Variants in PLD1 observed in about 807,000 individuals in gnomAD.
PLD1 encodes the protein choline phosphatase 1.
PLD1 carries 112 observed loss-of-function variants against 137.1 expected under a neutral mutation model. The ratio of observed to expected loss-of-function variants is 0.82; its 90% CI spans 0.70 to 0.96. The LOEUF (loss-of-function observed/expected upper bound fraction) is 0.96. PLD1 is among the 40% of genes least tolerant of loss of function. The pLI is 0.00. For synonymous variants in PLD1, 431 were observed against 454.7 expected (o/e 0.95, Z 0.66); for missense variants, 1,321 against 1,342.0 (o/e 0.98, Z 0.24).
At chr3:171,730,969 T>C (rs1324265096) in intron 6 of PLD1, among the ~76,000 whole-genome samples, 1 of 152,196 alleles carries the variant, frequency 6.6e-6, no homozygotes, top group African/African-American at 2.4e-5. Context: ...GGTCTAACTT[T>C]ACCAAGACAT....
chr3:171,719,846 C>T (rs2108228797), intron 8 of PLD1, among the ~76,000 whole-genome samples: 1 of 152,170 alleles, frequency 6.6e-6, no homozygotes, highest in African/African-American at 2.4e-5. Flanking sequence ...ATTATGAGAC[C>T]TAACTGAAAA....
chr3:171,671,066 G>A (rs1355480658), intron 19 of PLD1, among the ~76,000 whole-genome samples: 1 of 152,160 alleles, frequency 6.6e-6, no homozygotes, highest in Non-Finnish European at 1.5e-5. Flanking sequence ...TGACAAAACT[G>A]GGCTCAGGGA....
chr3:171,763,759 C>G (rs1039084855), intron 1 of PLD1, among the ~76,000 whole-genome samples: 2 of 149,946 alleles, frequency 1.3e-5, no homozygotes, highest in Non-Finnish European at 3.0e-5. Flanking sequence ...TAAGCCAATT[C>G]AAATCCTTGG....
intron 1 of PLD1, chr3:171,765,165 C>T (rs1721893635): frequency 6.6e-6 from 1 of 151,908 alleles, no homozygotes; most frequent in African/African-American, 2.4e-5. Flanking sequence ...TTCAAAAAAC[C>T]AATGAATTGT....
intron 24 of PLD1, among the ~76,000 whole-genome samples, chr3:171,616,028 C>T (rs1489085381): frequency 6.6e-6 from 1 of 152,192 alleles, no homozygotes; most frequent in African/African-American, 2.4e-5. Context: ...TAACTGTTTG[C>T]CAGTCTGGTA....
At chr3:171,767,148 A>G (rs1722032227) in intron 1 of PLD1, among the ~76,000 whole-genome samples, 1 of 152,236 alleles carries the variant, frequency 6.6e-6, no homozygotes, top group Non-Finnish European at 1.5e-5. Context: ...TCCTAGCTTT[A>G]GTGGCTTTAT....
intron 11 of PLD1, among the ~76,000 whole-genome samples, chr3:171,704,934 T>C (rs1286495159): frequency 6.6e-6 from 1 of 152,204 alleles, no homozygotes; most frequent in African/African-American, 2.4e-5. Context: ...GCAGCCTAGA[T>C]TCCTCACATG....
chr3:171,734,846 G>C lies in PLD1; in HGVS notation c.540+19C>G. 2 of 1,486,022 alleles carry C rather than the reference G, an allele frequency of 1.3e-6. No homozygotes were observed. The highest frequency in any genetic ancestry group is 1.9e-6 in the Non-Finnish European group (2 of 1,063,746). 92.1% of individuals were successfully genotyped at this position (1,486,022 alleles called of 1,614,324 possible). A position where few individuals can be genotyped will look rare whatever the true frequency, so the allele number is the denominator to read the frequency against. On this transcript the variant is annotated intron_variant, in intron 5 of 26. Coordinates refer to ENST00000351298, the MANE Select transcript of PLD1 (RefSeq NM_002662.5). ...CTGCAAAATTAGGTTTAAAACCACA[G>C]AATAGTGAAGAAACTTACTCTTCTA...
chr3:171,639,861 T>C (rs1046443846), intron 23 of PLD1, among the ~76,000 whole-genome samples: 1 of 145,604 alleles, frequency 6.9e-6, no homozygotes, highest in Non-Finnish European at 1.5e-5. Context: ...TATATATATA[T>C]ATATCTCCTA....
At chr3:171,651,794 T>C (rs1478581854) in intron 21 of PLD1, among the ~76,000 whole-genome samples, 1 of 152,122 alleles carries the variant, frequency 6.6e-6, no homozygotes, top group Admixed American at 6.5e-5. Flanking sequence ...TATACTAAAC[T>C]GTTCCCACTA....
At position 171,733,428 on chromosome 3, in the gene PLD1, A is replaced by G. The variant is rs1719095187; in HGVS notation, c.606+16T>C. 3 of 1,008,012 alleles carry G rather than the reference A, an allele frequency of 3.0e-6. No homozygotes were observed. The highest frequency in any genetic ancestry group is 3.0e-6 in the Non-Finnish European group (2 of 655,798). 62.4% of individuals were successfully genotyped at this position (1,008,012 alleles called of 1,614,324 possible). On this transcript the variant is annotated intron_variant, in intron 6 of 26. Transcript: ENST00000351298. Reference sequence around the variant, plus strand: ...GTGAAAATTACTCCAAACTTAAATCACTGACTAGTACTTACTGTGGCATGA... The same window carrying G: ...GTGAAAATTACTCCAAACTTAAATCGCTGACTAGTACTTACTGTGGCATGA...
intron 26 of PLD1, 25 bp downstream of exon 26, chr3:171,605,274 G>A (rs1362973713): frequency 8.3e-7 from 1 of 1,208,774 alleles, no homozygotes; most frequent in South Asian, 1.2e-5. Flanking sequence ...AAAAGAAACG[G>A]AGGAGGGGAA....
intron 16 of PLD1, among the ~76,000 whole-genome samples, chr3:171,685,749 A>C (rs1397433349): frequency 6.6e-6 from 1 of 152,228 alleles, no homozygotes; most frequent in African/African-American, 2.4e-5. Context: ...TATCTGGAGT[A>C]TCTTCTTACC....
chr3:171,703,509 A>G (rs1716419396), intron 11 of PLD1, among the ~76,000 whole-genome samples: 1 of 152,238 alleles, frequency 6.6e-6, no homozygotes, highest in Non-Finnish European at 1.5e-5. Context: ...AGGTAAATAC[A>G]CAAAAATCAA....
At chr3:171,624,109 GA>G (rs1343964472) in intron 23 of PLD1, among the ~76,000 whole-genome samples, 1 of 151,642 alleles carries the variant, frequency 6.6e-6, no homozygotes, top group African/African-American at 2.4e-5. Flanking sequence ...CAAACTGGGA[GA>G]AAGTATTTTC....
chr3:171,743,138 T>C (rs551630577), intron 1 of PLD1, among the ~76,000 whole-genome samples: 1 of 152,348 alleles, frequency 6.6e-6, no homozygotes, highest in East Asian at 1.9e-4. Context: ...CCACTCATGC[T>C]TCCTCCCTTG....
At chr3:171,638,184 CAAAAAAAAAAAAA>C (rs1040418705) in intron 23 of PLD1, among the ~76,000 whole-genome samples, 1 of 66,816 alleles carries the variant, frequency 1.5e-5, no homozygotes, top group African/African-American at 5.2e-5. Context: ...GACTCCGTCT[CAAAAAAAAAAAAA>C]AAAAAAAAAA....
chr3:171,683,039 G>T (rs1230113177), intron 16 of PLD1, among the ~76,000 whole-genome samples: 1 of 152,172 alleles, frequency 6.6e-6, no homozygotes, highest in Non-Finnish European at 1.5e-5. Flanking sequence ...TCCTTTGTCA[G>T]CTGCCTTCAC....
intron 25 of PLD1, chr3:171,611,369 A>T: frequency 4.1e-6 from 1 of 246,026 alleles, no homozygotes; most frequent in South Asian, 4.9e-5. Context: ...GCCATTGGAC[A>T]GTAGTGAGCA....
Sources: gnomAD v4.1 joint callset for allele counts (sites outside exome capture counted in the v4.1 genomes callset) on GRCh38, gnomAD v4.1.1 for gene constraint, MANE v1.5 for transcripts, NCBI Gene and HGNC (gene_info 2026-07-23, HGNC 2026-07-21) for gene names.